PTPRU: variants seen among roughly 807,000 people sequenced by gnomAD.
The protein encoded by PTPRU is receptor-type tyrosine-protein phosphatase U.
PTPRU carries 69 observed loss-of-function variants against 166.3 expected under a neutral mutation model. That is an observed-to-expected ratio of 0.41 (90% CI 0.34 to 0.51). PTPRU has a LOEUF of 0.51. Ranked by LOEUF, PTPRU falls within the 20% of genes least tolerant of loss-of-function variation. The pLI is 0.09. For synonymous variants in PTPRU, 793 were observed against 814.0 expected (o/e 0.97, Z 0.44); for missense variants, 1,657 against 2,013.7 (o/e 0.82, Z 3.39).
Position 29,282,947 on chromosome 1 carries a change from G to T in PTPRU, c.2140G>T (p.Gly714Trp). 6.2e-7 allele frequency: 1 copy of T among 1,613,088 alleles called. No individual in the cohort carries two copies. Among genetic ancestry groups the T allele is most frequent in the Non-Finnish European group, 8.5e-7 (1 of 1,179,754 alleles). Residue 714 changes from glycine (G) to tryptophan (W), a missense_variant and splice_region_variant, in exon 12 of 30, where the codon GGG (glycine) becomes TGG (tryptophan). By Grantham distance (184) the Gly-to-Trp change is radical. Transcript: ENST00000373779. ...CTTCCAGGCAGCAAGCCACCTGAAG[G>T]GGGTGAGGGACCGGCCAGGGTCATG... ...IYFQAASHLK[G>W]ETRLNCIRIA... is the part of the protein sequence containing the mutation.
At chr1:29,259,234 T>A in intron 3 of PTPRU, 27 bp from the exon 4 acceptor site, 1 of 1,600,900 alleles carries the variant, frequency 6.2e-7, no homozygotes, top group Non-Finnish European at 8.5e-7. Context: ...AATATCAGTA[T>A]GATAGGGGCC....
At chr1:29,244,975 G>A (rs1325348892) in intron 1 of PTPRU, among the ~76,000 whole-genome samples, 1 of 152,088 alleles carries the variant, frequency 6.6e-6, no homozygotes, top group Non-Finnish European at 1.5e-5. Flanking sequence ...GGTGGTGGTT[G>A]GGGAGTGCCT....
chr1:29,267,707 T>C (rs1363522960), intron 7 of PTPRU, among the ~76,000 whole-genome samples: 1 of 152,096 alleles, frequency 6.6e-6, no homozygotes, highest in Non-Finnish European at 1.5e-5. Context: ...TTAGAGCCGT[T>C]GTACACAGAG....
At position 29,259,318 on chromosome 1, in the gene PTPRU, A is replaced by AT; in HGVS notation, c.536dup (p.Leu180ProfsTer97). On this transcript the variant is annotated frameshift_variant, in exon 4 of 30. Transcript: ENST00000373779. LOFTEE classifies it high-confidence loss of function. ...CAGGGGCTACATGGGCCTAGATGAC[A>AT]TCCTGCTTCTCAGCTACCCCTGCGG... 1 of 1,614,040 alleles carries AT rather than the reference A, an allele frequency of 6.2e-7. No homozygotes were observed. The highest frequency in any genetic ancestry group is 8.5e-7 in the Non-Finnish European group (1 of 1,179,976).
chr1:29,279,902 TCAGGTCATGTCAG>T lies in PTPRU; in HGVS notation c.1766-132_1766-120del. On this transcript the variant is annotated intron_variant, in intron 10 of 29. Coordinates refer to ENST00000373779, the MANE Select transcript of PTPRU (RefSeq NM_133178.4). The surrounding 1 kb of genome is among the most constrained non-coding windows in gnomAD (Gnocchi z 5.2). The stretch of plus-strand genomic sequence containing the variant: ...GCCTGAGGTCAGGGGCCAGGGTAGC[TCAGGTCATGTCAG>T]CAGGAACAAAGAGGCTAAGGCTGAA... The T allele has an allele frequency of 3.0e-6, 3 of 1,008,752 alleles. No individual in the cohort carries two copies. The South Asian group carries it at 4.9e-5, about 16-fold the overall frequency. The allele number at this position is 1,008,752 out of a possible 1,614,324, so 62.5% of individuals were successfully genotyped here.
chr1:29,242,343 C>G (rs933936462), intron 1 of PTPRU, among the ~76,000 whole-genome samples: 1 of 152,132 alleles, frequency 6.6e-6, no homozygotes, highest in Non-Finnish European at 1.5e-5. Context: ...AGCCCCTTCC[C>G]TGGGACTTGC....
At chr1:29,261,610 A>T (rs972217441) in intron 7 of PTPRU, among the ~76,000 whole-genome samples, 1 of 152,006 alleles carries the variant, frequency 6.6e-6, no homozygotes, top group Non-Finnish European at 1.5e-5. Context: ...GTTCACTGCA[A>T]CCTCCGCCTC....
chr1:29,279,890 G>C lies in PTPRU; in HGVS notation c.1766-149G>C. On this transcript the variant is annotated intron_variant, in intron 10 of 29. Coordinates refer to ENST00000373779, the MANE Select transcript of PTPRU (RefSeq NM_133178.4). The surrounding 1 kb of genome is among the most constrained non-coding windows in gnomAD (Gnocchi z 5.2). Reference sequence around the variant, plus strand: ...GTTGGGGCTGGTGCCTGAGGTCAGGGGCCAGGGTAGCTCAGGTCATGTCAG... The same window carrying C: ...GTTGGGGCTGGTGCCTGAGGTCAGGCGCCAGGGTAGCTCAGGTCATGTCAG... The C allele has an allele frequency of 1.0e-6, 1 of 961,418 alleles. No homozygotes were observed. Among genetic ancestry groups the C allele is most frequent in the South Asian group, 1.7e-5 (1 of 59,982 alleles). 59.6% of individuals were successfully genotyped at this position (961,418 alleles called of 1,614,324 possible).
intron 15 of PTPRU, among the ~76,000 whole-genome samples, chr1:29,292,815 GT>G (rs774242717): frequency 6.9e-4 from 92 of 132,958 alleles, no homozygotes; most frequent in East Asian, 1.5e-3. Context: ...AAATTGTTGT[GT>G]TTTTTTTTTT....
At chr1:29,325,430 C>T in intron 29 of PTPRU, 104 bp downstream of exon 29, 2 of 1,526,242 alleles carry the variant, frequency 1.3e-6, no homozygotes, top group Non-Finnish European at 1.8e-6. Flanking sequence ...ACCACTGGGC[C>T]TTGGTTCTAG....
rs759393992 is a variant in PTPRU, at chr1:29,315,498, C to T, written c.3354C>T (p.Ile1118=). The T allele has an allele frequency of 6.2e-7, 1 of 1,614,106 alleles. No individual in the cohort carries two copies. Among genetic ancestry groups the T allele is most frequent in the African/African-American group, 1.3e-5 (1 of 74,986 alleles). The part of the protein sequence containing the change: ...KTLCSRRVNM[I]QTEEQYIFIH... ...TCTGCTCCCGGCGTGTCAACATGAT[C>T]CAGACTGAGGTGCGGGGACCTGGCC... Residue 1118 remains isoleucine (I), a synonymous_variant, in exon 23 of 30, where the codon ATC becomes ATT. Transcript: ENST00000373779. The surrounding 1 kb of genome is among the most constrained non-coding windows in gnomAD (Gnocchi z 4.5).
chr1:29,311,658 T>G lies in PTPRU; in HGVS notation c.2971T>G (p.Tyr991Asp). 1.2e-6 allele frequency: 2 copies of G among 1,614,212 alleles called. No homozygotes were observed. The highest frequency in any genetic ancestry group is 2.7e-5 in the African/African-American group (2 of 75,078). The change falls in exon 21 of 30, where the codon TAC becomes GAC. Residue 991 changes from tyrosine (Y) to aspartate (D), a missense_variant. Around this residue, in one of 3 missense-constraint regions of PTPRU, gnomAD observed 1,190 missense variants for 1,477.4 expected, o/e 0.81. Transcript: ENST00000373779. This position sits in a 1 kb window ranked among gnomAD's most constrained non-coding sequence, Gnocchi z 4.1. Reference sequence around the variant, plus strand: ...GGGCCTCTAGGTGAAATGCTCACGGTACTGGCCGGAGGACTCAGACACCTA... The same window carrying G: ...GGGCCTCTAGGTGAAATGCTCACGGGACTGGCCGGAGGACTCAGACACCTA... ...VEVGRVKCSR[Y>D]WPEDSDTYGD...
At chr1:29,258,309 T>G (rs1684862439) in intron 2 of PTPRU, among the ~76,000 whole-genome samples, 196 bp from the exon 3 acceptor site, 1 of 152,194 alleles carries the variant, frequency 6.6e-6, no homozygotes, top group Non-Finnish European at 1.5e-5. Flanking sequence ...TTTTTACTGC[T>G]CCAGGTCTCC....
At position 29,275,745 on chromosome 1, in the gene PTPRU, C is replaced by T. The variant is rs574283151; in HGVS notation, c.1442C>T (p.Thr481Met). The change falls in exon 8 of 30, where the codon ACG becomes ATG. Residue 481 changes from threonine to methionine, a missense_variant. Transcript: ENST00000373779. Reference protein sequence around the residue: ...RKEGKEVTFQTDEDVPSGIAA... With the variant: ...RKEGKEVTFQMDEDVPSGIAA... Reference sequence around the variant, plus strand: ...GAGGGCAAGGAGGTCACTTTCCAGACGGATGAGGATGGTAAGAGTCTCAGT... The same window carrying T: ...GAGGGCAAGGAGGTCACTTTCCAGATGGATGAGGATGGTAAGAGTCTCAGT... 65 of 1,613,940 alleles carry T rather than the reference C, an allele frequency of 4.0e-5. No homozygotes were observed. Among genetic ancestry groups the T allele is most frequent in the East Asian group, 2.7e-4 (12 of 44,878 alleles).
intron 25 of PTPRU, among the ~76,000 whole-genome samples, chr1:29,318,139 G>A (rs891499307): frequency 6.6e-6 from 1 of 152,196 alleles, no homozygotes; most frequent in Admixed American, 6.5e-5. Context: ...GTCTGGTTGT[G>A]GAGTTCAGGC....
rs1685764243 is a variant in PTPRU, at chr1:29,275,680, TC to T, written c.1378del (p.His460ThrfsTer2). On this transcript the variant is annotated frameshift_variant, in exon 8 of 30. Coordinates refer to ENST00000373779, the MANE Select transcript of PTPRU (RefSeq NM_133178.4). LOFTEE classifies it high-confidence loss of function. ...IKNLLPYRNV[H>X]VRLVLTNPEG... Reference sequence around the variant, plus strand: ...AGAACCTGCTGCCCTATCGGAACGTTCACGTGAGGCTTGTCCTCACTAACCC... The same window carrying T: ...AGAACCTGCTGCCCTATCGGAACGTTACGTGAGGCTTGTCCTCACTAACCC... The T allele has an allele frequency of 6.2e-7, 1 of 1,613,938 alleles. No homozygotes were observed. The highest frequency in any genetic ancestry group is 1.1e-5 in the South Asian group (1 of 91,066).
Position 29,255,176 on chromosome 1 carries a change from G to C in PTPRU, c.74-99G>C, listed in dbSNP as rs1028781507. 7.2e-6 allele frequency: 10 copies of C among 1,396,030 alleles called. No individual in the cohort carries two copies. The African/African-American group carries it at 1.3e-4, about 18-fold the overall frequency. 86.5% of individuals were successfully genotyped at this position (1,396,030 alleles called of 1,614,324 possible). A position where few individuals can be genotyped will look rare whatever the true frequency, so the allele number is the denominator to read the frequency against. On this transcript the variant is annotated intron_variant, in intron 1 of 29. Transcript: ENST00000373779. ...GGGCCTGAAGAGAGGGAGGAGGGCA[G>C]GTGGGCCTGGGTAGAAGGGAGAGTG...
chr1:29,318,542 C>G lies in PTPRU; in HGVS notation c.3687+621C>G, dbSNP rs535605925. Among the ~76,000 whole-genome samples, 7 of 152,344 alleles carry G rather than the reference C, an allele frequency of 4.6e-5. No homozygotes were observed. The South Asian group carries it at 1.5e-3, about 32-fold the overall frequency. Reference sequence around the variant, plus strand: ...GGCGGGAAGGGTCTAGGATTATTATCCCTATTCCTCTGCCACACTGGAACC... The same window carrying G: ...GGCGGGAAGGGTCTAGGATTATTATGCCTATTCCTCTGCCACACTGGAACC... On this transcript the variant is annotated intron_variant, in intron 25 of 29. Transcript: ENST00000373779.
chr1:29,314,005 G>GT (rs1359804786), intron 22 of PTPRU, among the ~76,000 whole-genome samples: 3 of 152,164 alleles, frequency 2.0e-5, no homozygotes, highest in Non-Finnish European at 4.4e-5. Context: ...AGTTGCACAT[G>GT]TTTTTGGACT....
Sources: gnomAD v4.1 joint callset for allele counts (sites outside exome capture counted in the v4.1 genomes callset) on GRCh38, gnomAD v4.1.1 for gene constraint, gnomAD v4.1.1 regional missense constraint, Gnocchi (gnomAD v3.1) non-coding constraint, MANE v1.5 for transcripts, NCBI Gene and HGNC (gene_info 2026-07-23, HGNC 2026-07-21) for gene names.